Variants in SCOC observed in about 807,000 individuals in gnomAD.
SCOC encodes the protein short coiled-coil protein, also known as short coiled coil protein.
SCOC carries 7 observed loss-of-function variants against 9.9 expected under a neutral mutation model. The observed-to-expected ratio is 0.71, with a 90% CI of 0.40 to 1.33. The LOEUF (loss-of-function observed/expected upper bound fraction) is 1.33. SCOC is among the 40% of genes most tolerant of loss of function. The pLI, the probability that SCOC is intolerant of heterozygous loss-of-function variation, is 0.01. For missense variants in SCOC, 66 were observed against 89.7 expected (o/e 0.74, Z 1.07); for synonymous variants, 19 against 28.2 (o/e 0.67, Z 1.03).
intron 1 of SCOC, among the ~76,000 whole-genome samples, chr4:140,333,650 G>C (rs1328419995): frequency 1.3e-5 from 2 of 151,828 alleles, no homozygotes; most frequent in Non-Finnish European, 2.9e-5. Context: ...TAAACTTTCT[G>C]TGTTGCCCAA....
intron 1 of SCOC, among the ~76,000 whole-genome samples, chr4:140,296,062 C>A (rs1731627895): frequency 6.6e-6 from 1 of 151,652 alleles, no homozygotes; most frequent in Non-Finnish European, 1.5e-5. Flanking sequence ...CAGGAATCTG[C>A]ATTTTTTAAA....
At chr4:140,363,826 G>GT (rs1444077306) in intron 2 of SCOC, among the ~76,000 whole-genome samples, 1 of 152,154 alleles carries the variant, frequency 6.6e-6, no homozygotes, top group Non-Finnish European at 1.5e-5. Flanking sequence ...GTTCTCTAGT[G>GT]TTTTTTCATT....
intron 1 of SCOC, chr4:140,291,596 C>G (rs912087862): frequency 1.6e-5 from 7 of 444,162 alleles, no homozygotes; most frequent in South Asian, 3.2e-5. Context: ...TAATCAATAT[C>G]CTTTCTCGGT....
chr4:140,337,628 G>A (rs914642897), intron 1 of SCOC, among the ~76,000 whole-genome samples: 5 of 151,992 alleles, frequency 3.3e-5, no homozygotes, highest in Non-Finnish European at 5.9e-5. Context: ...TATCACCACC[G>A]ATCCCACAGA....
chr4:140,285,364 A>G (rs1475409833), intron 1 of SCOC: 2 of 444,554 alleles, frequency 4.5e-6, no homozygotes, highest in Admixed American at 4.8e-5. Context: ...TGAAAATACC[A>G]GATGACTGAA....
intron 2 of SCOC, among the ~76,000 whole-genome samples, chr4:140,354,441 A>G (rs1488303055): frequency 7.2e-5 from 11 of 152,090 alleles, no homozygotes; most frequent in Non-Finnish European, 1.3e-4. Context: ...CTCTCTGTGA[A>G]ATATTTAGTG....
intron 1 of SCOC, among the ~76,000 whole-genome samples, chr4:140,334,866 C>G (rs1732914627): frequency 6.6e-6 from 1 of 152,114 alleles, no homozygotes; most frequent in East Asian, 1.9e-4. Flanking sequence ...CTTTGAGAGG[C>G]CGAAGTGGCT....
chr4:140,259,920 G>A (rs1436550926), intron 1 of SCOC, among the ~76,000 whole-genome samples: 1 of 152,068 alleles, frequency 6.6e-6, no homozygotes, highest in East Asian at 1.9e-4. Flanking sequence ...TCTAAAATTT[G>A]TTCATGCCAT....
chr4:140,306,018 C>A (rs1731970195), intron 1 of SCOC, among the ~76,000 whole-genome samples: 1 of 152,176 alleles, frequency 6.6e-6, no homozygotes, highest in Admixed American at 6.5e-5. Flanking sequence ...TCACTTATAA[C>A]ACATCTATAT....
intron 1 of SCOC, among the ~76,000 whole-genome samples, chr4:140,266,531 C>T (rs1207593033): frequency 6.6e-6 from 1 of 152,074 alleles, no homozygotes. Context: ...GGCTCCATTT[C>T]CTAATGCCAT....
chr4:140,277,356 T>C (rs755163054), intron 1 of SCOC, among the ~76,000 whole-genome samples: 1 of 152,094 alleles, frequency 6.6e-6, no homozygotes, highest in Non-Finnish European at 1.5e-5. Context: ...AATCACCAAG[T>C]CTCTTTTGTG....
At chr4:140,315,896 C>A (rs542322498) in intron 1 of SCOC, among the ~76,000 whole-genome samples, 1 of 151,998 alleles carries the variant, frequency 6.6e-6, no homozygotes, top group Non-Finnish European at 1.5e-5. Context: ...ATAGGCCCAA[C>A]ATGTACTGTA....
intron 2 of SCOC, among the ~76,000 whole-genome samples, chr4:140,345,267 C>T (rs919314005): frequency 3.3e-5 from 5 of 152,016 alleles, no homozygotes; most frequent in South Asian, 2.1e-4. Context: ...TCCCAATTGC[C>T]GCCTCCTTCT....
At position 140,285,914 on chromosome 4, in the gene SCOC, G is replaced by A. The variant is rs76120429; in HGVS notation, c.-19+28504G>A. ...TGCTTACATTGCTGGGCTGGGTGCC[G>A]TGGCTCTCGCTTGTAATCCTAGCAC... On this transcript the variant is annotated intron_variant, in intron 1 of 4. Transcript: ENST00000394205. 8.3e-3 allele frequency among the ~76,000 whole-genome samples: 1,263 copies of A among 152,218 alleles called. 21 individuals carry two copies. The highest frequency in any genetic ancestry group is 0.028 in the African/African-American group (1,154 of 41,532).
At chr4:140,374,425 G>C (rs953993508) in intron 1 of SCOC, 1 of 301,374 alleles carries the variant, frequency 3.3e-6, no homozygotes, top group Non-Finnish European at 6.5e-6. Context: ...ACCCAAAGCT[G>C]TGCCCATGTA....
At chr4:140,360,526 G>A (rs528732839) in intron 2 of SCOC, among the ~76,000 whole-genome samples, 40 of 152,312 alleles carry the variant, frequency 2.6e-4, no homozygotes, top group Middle Eastern at 6.8e-3. Flanking sequence ...AGGATTTTCT[G>A]CTTTCTCACT....
At chr4:140,264,623 A>G (rs1430146472) in intron 1 of SCOC, among the ~76,000 whole-genome samples, 3 of 152,156 alleles carry the variant, frequency 2.0e-5, no homozygotes, top group East Asian at 1.9e-4. Flanking sequence ...GGATACTACT[A>G]TCATTTAGTG....
At chr4:140,323,571 C>T (rs543254790) in intron 1 of SCOC, among the ~76,000 whole-genome samples, 2 of 152,224 alleles carry the variant, frequency 1.3e-5, no homozygotes, top group South Asian at 4.1e-4. Context: ...ACTGATCTCA[C>T]AGACATTAAA....
At chr4:140,273,534 GC>G (rs1318380829) in intron 1 of SCOC, among the ~76,000 whole-genome samples, 1 of 151,852 alleles carries the variant, frequency 6.6e-6, no homozygotes, top group Non-Finnish European at 1.5e-5. Flanking sequence ...CAGGAAAGCA[GC>G]TGGTCTCTGA....
Sources: gnomAD v4.1 joint callset for allele counts (sites outside exome capture counted in the v4.1 genomes callset) on GRCh38, gnomAD v4.1.1 for gene constraint, MANE v1.5 for transcripts, NCBI Gene and HGNC (gene_info 2026-07-23, HGNC 2026-07-21) for gene names.